The following PPWD1 variants were observed in gnomAD, a reference collection of about 807,000 sequenced individuals.
PPWD1 encodes peptidylprolyl isomerase domain and WD repeat containing 1.
Under a neutral mutation model 68.8 loss-of-function variants are expected in PPWD1, and 43 were observed. The observed-to-expected ratio is 0.62, with a 90% CI of 0.49 to 0.81. The LOEUF is 0.81. Among genes scored for constraint, PPWD1 ranks in the 30% least tolerant of loss-of-function variants. The pLI is 0.00. For synonymous variants in PPWD1, 232 were observed against 258.7 expected, an observed-to-expected ratio of 0.90 and a Z score of 0.99; for missense variants, 672 against 804.8, an observed-to-expected ratio of 0.83 and a Z score of 2.00.
In PPWD1 at chr5:65,577,068, C is replaced by A; in HGVS notation, c.1159C>A (p.Arg387=). Residue 387 remains arginine (R), a splice_region_variant and synonymous_variant, in exon 6 of 11, where the codon CGG becomes AGG. Coordinates refer to ENST00000261308, the MANE Select transcript of PPWD1 (RefSeq NM_015342.4). ...TAAAGTTATAAATGTAGAGACAAAC[C>A]GGTAAGCTTTAATATGAGGTATGTT... ...GIKVINVETN[R]CVRILGKQEN... The A allele has an allele frequency of 6.2e-7, 1 of 1,608,622 alleles. No homozygotes were observed. Among genetic ancestry groups the A allele is most frequent in the Non-Finnish European group, 8.5e-7 (1 of 1,176,326 alleles).
intron 6 of PPWD1, among the ~76,000 whole-genome samples, chr5:65,578,704 CT>C (rs1293553775): frequency 1.4e-5 from 2 of 141,680 alleles, no homozygotes; most frequent in East Asian, 4.0e-4. Context: ...TTTAAGAGTT[CT>C]TTATATATAT....
chr5:65,563,325 T>C lies in PPWD1; in HGVS notation c.15T>C (p.Ser5=). Residue 5 remains serine (S), a synonymous_variant, in exon 1 of 11, where the codon AGT becomes AGC. Transcript: ENST00000261308. MAAE[S]GSDFQQRRRR... ...ATGCGAACAACATGGCGGCGGAAAG[T>C]GGTAGCGATTTTCAGCAGAGACGTA... The C allele has an allele frequency of 6.2e-7, 1 of 1,612,622 alleles. No homozygotes were observed. Among genetic ancestry groups the C allele is most frequent in the Non-Finnish European group, 8.5e-7 (1 of 1,179,524 alleles).
chr5:65,573,878 C>T (rs1753151218), intron 5 of PPWD1, among the ~76,000 whole-genome samples: 1 of 152,136 alleles, frequency 6.6e-6, no homozygotes, highest in African/African-American at 2.4e-5. Flanking sequence ...CTAGCCATCA[C>T]TTGTTAGACT....
intron 7 of PPWD1, 53 bp downstream of exon 7, chr5:65,579,666 G>T: frequency 1.5e-6 from 2 of 1,311,708 alleles, no homozygotes; most frequent in South Asian, 4.6e-5. Flanking sequence ...AGTTTGGTTT[G>T]ACTTTTCTTT....
chr5:65,571,988 C>T lies in PPWD1; in HGVS notation c.671C>T (p.Ser224Leu), dbSNP rs763335622. The T allele has an allele frequency of 1.2e-6, 2 of 1,613,900 alleles. No individual in the cohort carries two copies. The highest frequency in any genetic ancestry group is 2.2e-5 in the East Asian group (1 of 44,880). Residue 224 changes from serine to leucine, a missense_variant, in exon 5 of 11, where the codon TCA becomes TTA. Coordinates refer to ENST00000261308, the MANE Select transcript of PPWD1 (RefSeq NM_015342.4). ...PLHIFDKLHT[S>L]PLTQIRLNPV... ...CATATTTTTGACAAACTCCATACAT[C>T]ACCTCTTACTCAGATACGGCTAAAC...
chr5:65,566,372 A>G (rs1230323606), intron 1 of PPWD1, among the ~76,000 whole-genome samples: 1 of 152,192 alleles, frequency 6.6e-6, no homozygotes, highest in Non-Finnish European at 1.5e-5. Context: ...AGATTACAGC[A>G]GTTATATCCC....
intron 5 of PPWD1, among the ~76,000 whole-genome samples, chr5:65,573,685 T>C (rs1435530631): frequency 6.6e-6 from 1 of 151,436 alleles, no homozygotes; most frequent in Non-Finnish European, 1.5e-5. Flanking sequence ...GCAGAGTTTT[T>C]TTTAATGTGA....
At chr5:65,571,775 AG>A in intron 4 of PPWD1, 63 bp from the exon 5 acceptor site, 1 of 1,556,922 alleles carries the variant, frequency 6.4e-7, no homozygotes, top group Non-Finnish European at 8.7e-7. Context: ...GTAGTGGGAT[AG>A]GGAGGGATGC....
intron 4 of PPWD1, among the ~76,000 whole-genome samples, chr5:65,570,653 G>A (rs183929267): frequency 1.3e-5 from 2 of 152,004 alleles, no homozygotes; most frequent in African/African-American, 2.4e-5. Flanking sequence ...AGGCTGGAAA[G>A]TCCAAGATCA....
rs1753302291 is a variant in PPWD1, at chr5:65,576,710, G to A, written c.970-169G>A. On this transcript the variant is annotated intron_variant, in intron 5 of 10. Transcript: ENST00000261308. The stretch of plus-strand genomic sequence containing the variant: ...TTTTTTAGTGATTGGACTTACTAAT[G>A]TCTATTTCATATTGTTTAGAATCCC... 6.8e-6 allele frequency: 6 copies of A among 882,730 alleles called. No homozygotes were observed. The African/African-American group carries it at 1.1e-4, about 16-fold the overall frequency. The allele number at this position is 882,730 out of a possible 1,614,324, so 54.7% of individuals were successfully genotyped here.
chr5:65,576,986 T>A lies in PPWD1; in HGVS notation c.1077T>A (p.Ile359=). ...ELEKVDAVRL[I]NIVFDETGHF... ...AGAAGGTTGATGCTGTAAGATTAAT[T>A]AATATAGTTTTTGATGAAACTGGAC... Residue 359 remains isoleucine, a synonymous_variant, in exon 6 of 11, where the codon ATT becomes ATA. Coordinates refer to ENST00000261308, the MANE Select transcript of PPWD1 (RefSeq NM_015342.4). The A allele has an allele frequency of 6.2e-7, 1 of 1,614,160 alleles. No homozygotes were observed. Among genetic ancestry groups the A allele is most frequent in the East Asian group, 2.2e-5 (1 of 44,874 alleles).
intron 1 of PPWD1, among the ~76,000 whole-genome samples, chr5:65,566,799 A>T (rs1476086874): frequency 1.6e-4 from 19 of 118,724 alleles, no homozygotes; most frequent in South Asian, 2.6e-4. Flanking sequence ...TCCCTCCCTC[A>T]TTCTCTCCAT....
chr5:65,581,768 C>G (rs906309110), intron 7 of PPWD1, among the ~76,000 whole-genome samples: 3 of 152,162 alleles, frequency 2.0e-5, no homozygotes, highest in African/African-American at 7.2e-5. Context: ...AAGTCATTCA[C>G]TGTAGCTTTA....
intron 6 of PPWD1, among the ~76,000 whole-genome samples, chr5:65,577,947 A>G (rs1473187162): frequency 6.6e-6 from 1 of 152,198 alleles, no homozygotes; most frequent in African/African-American, 2.4e-5. Flanking sequence ...AGGTTTGGAG[A>G]AATGTATAAT....
chr5:65,564,764 G>C (rs2150586931), intron 1 of PPWD1, among the ~76,000 whole-genome samples: 1 of 152,090 alleles, frequency 6.6e-6, no homozygotes, highest in South Asian at 2.1e-4. Flanking sequence ...AAAATCACTC[G>C]AGAATCGGTC....
At chr5:65,566,883 T>A (rs1752800781) in intron 1 of PPWD1, among the ~76,000 whole-genome samples, 1 of 151,440 alleles carries the variant, frequency 6.6e-6, no homozygotes, top group Admixed American at 6.6e-5. Context: ...TTTCCTGACA[T>A]TCCTCAGATT....
intron 8 of PPWD1, 140 bp from the exon 9 acceptor site, chr5:65,584,873 AT>A: frequency 8.2e-7 from 1 of 1,212,760 alleles, no homozygotes; most frequent in Admixed American, 3.7e-5. Flanking sequence ...GAGATTAGAG[AT>A]TATGAAAAAA....
At chr5:65,567,448 A>T (rs867588307) in intron 1 of PPWD1, 65 bp from the exon 2 acceptor site, 1 of 1,458,938 alleles carries the variant, frequency 6.9e-7, no homozygotes, top group Middle Eastern at 2.0e-4. Context: ...AAATAAAGAA[A>T]ATACAAAATA....
chr5:65,570,560 G>A lies in PPWD1; in HGVS notation c.521+562G>A, dbSNP rs372592635. On this transcript the variant is annotated intron_variant, in intron 4 of 10. Coordinates refer to ENST00000261308, the MANE Select transcript of PPWD1 (RefSeq NM_015342.4). ...ACAGTGTCAGAAAGTTTTGGGACTC[G>A]CCTTAGTCTGCTTGGATGCCATAAC... Among the ~76,000 whole-genome samples the A allele has an allele frequency of 1.2e-3, 188 of 151,946 alleles. No individual in the cohort carries two copies. The Middle Eastern group carries it at 0.02, about 16-fold the overall frequency.
Sources: gnomAD v4.1 joint callset for allele counts (sites outside exome capture counted in the v4.1 genomes callset) on GRCh38, gnomAD v4.1.1 for gene constraint, MANE v1.5 for transcripts, NCBI Gene and HGNC (gene_info 2026-07-23, HGNC 2026-07-21) for gene names.